TAOK1: variants seen among roughly 807,000 people sequenced by gnomAD.
The protein encoded by TAOK1 is TAO kinase 1.
In TAOK1, 21 loss-of-function variants were observed where a neutral mutation model predicts 138.3. The ratio of observed to expected loss-of-function variants is 0.15; its 90% CI spans 0.11 to 0.22. The LOEUF (loss-of-function observed/expected upper bound fraction) is 0.22, where lower values mean the gene tolerates loss of function less well. Among genes scored for constraint, TAOK1 ranks in the 10% least tolerant of loss-of-function variants. The pLI is 1.00. For synonymous variants in TAOK1, 361 were observed against 398.4 expected, an observed-to-expected ratio of 0.91 and a Z score of 1.12; for missense variants, 651 against 1,227.7, an observed-to-expected ratio of 0.53 and a Z score of 7.02.
intron 16 of TAOK1, among the ~76,000 whole-genome samples, chr17:29,518,086 C>A (rs2031849673): frequency 6.6e-6 from 1 of 152,174 alleles, no homozygotes; most frequent in African/African-American, 2.4e-5. Context: ...GAACTCCTGG[C>A]CTCATGCGGT....
intron 1 of TAOK1, among the ~76,000 whole-genome samples, chr17:29,435,714 A>T (rs909431082): frequency 2.0e-5 from 3 of 152,234 alleles, no homozygotes; most frequent in Non-Finnish European, 4.4e-5. Flanking sequence ...TGACTCCTTA[A>T]AGGGGAGCAT....
At chr17:29,401,788 G>A (rs1904853324) in intron 1 of TAOK1, among the ~76,000 whole-genome samples, 1 of 151,902 alleles carries the variant, frequency 6.6e-6, no homozygotes, top group African/African-American at 2.4e-5. Context: ...CTGAGTAGCT[G>A]TGCCACCACG....
intron 19 of TAOK1, among the ~76,000 whole-genome samples, chr17:29,540,551 GTTGT>G (rs569232315): frequency 2.7e-4 from 41 of 150,094 alleles, no homozygotes; most frequent in African/African-American, 5.9e-4. Flanking sequence ...TTGTTTTTGG[GTTGT>G]TTGTTTTTTG....
At chr17:29,523,096 G>A (rs557294412) in intron 17 of TAOK1, among the ~76,000 whole-genome samples, 5 of 143,030 alleles carry the variant, frequency 3.5e-5, no homozygotes, top group African/African-American at 5.2e-5. Context: ...AAAAAAAAAT[G>A]TACTCAAATG....
chr17:29,437,802 C>T (rs983558227), intron 1 of TAOK1, among the ~76,000 whole-genome samples: 7 of 112,062 alleles, frequency 6.2e-5, no homozygotes, highest in African/African-American at 1.7e-4. Context: ...GGTATGATCT[C>T]GGCTCACTGC....
At chr17:29,539,805 G>A (rs1308289633) in intron 19 of TAOK1, among the ~76,000 whole-genome samples, 1 of 152,116 alleles carries the variant, frequency 6.6e-6, no homozygotes, top group African/African-American at 2.4e-5. Context: ...GCCTGAGCCT[G>A]GGAGGTGGAG....
intron 2 of TAOK1, among the ~76,000 whole-genome samples, chr17:29,459,103 CT>C (rs2153024949): frequency 6.6e-6 from 1 of 152,158 alleles, no homozygotes; most frequent in African/African-American, 2.4e-5. Flanking sequence ...TGAGCTTCTG[CT>C]TTTCAGCTTC....
At chr17:29,525,357 C>T (rs1328957044) in intron 17 of TAOK1, among the ~76,000 whole-genome samples, 5 of 152,210 alleles carry the variant, frequency 3.3e-5, no homozygotes, top group South Asian at 4.1e-4. Context: ...GTGATCCGCC[C>T]GCCTCGGCCT....
intron 10 of TAOK1, among the ~76,000 whole-genome samples, chr17:29,494,376 G>A (rs1255234511): frequency 6.6e-6 from 1 of 152,024 alleles, no homozygotes; most frequent in Admixed American, 6.6e-5. Context: ...GGACATGGTG[G>A]TGCACACCTG....
At chr17:29,395,018 G>T (rs1362585616) in intron 1 of TAOK1, among the ~76,000 whole-genome samples, 3 of 152,124 alleles carry the variant, frequency 2.0e-5, no homozygotes, top group South Asian at 2.1e-4. Flanking sequence ...GAGGCTGGAG[G>T]ATCACTTGAG....
chr17:29,461,399 AATG>A (rs2030528911), intron 2 of TAOK1, among the ~76,000 whole-genome samples: 1 of 152,186 alleles, frequency 6.6e-6, no homozygotes, highest in Non-Finnish European at 1.5e-5. Context: ...ATTATAAAAT[AATG>A]ATAACAAAAG....
chr17:29,469,020 T>C (rs141269516), intron 3 of TAOK1, among the ~76,000 whole-genome samples: 2 of 152,316 alleles, frequency 1.3e-5, no homozygotes, highest in East Asian at 3.9e-4. Context: ...ATATTCTAAT[T>C]AGTTCTCTTC....
intron 1 of TAOK1, among the ~76,000 whole-genome samples, chr17:29,397,723 G>GA (rs1567706827): frequency 5.2e-5 from 4 of 77,636 alleles, no homozygotes; most frequent in South Asian, 3.3e-4. Context: ...ATACATGTAT[G>GA]TATATACATA....
intron 6 of TAOK1, among the ~76,000 whole-genome samples, chr17:29,478,967 A>G (rs926981588): frequency 6.6e-6 from 1 of 152,120 alleles, no homozygotes; most frequent in Admixed American, 6.5e-5. Context: ...TCCACTGAAA[A>G]TATGAAAATT....
intron 18 of TAOK1, among the ~76,000 whole-genome samples, chr17:29,533,330 G>A (rs1451540049): frequency 6.7e-6 from 1 of 148,804 alleles, no homozygotes. Flanking sequence ...GATGGCGGCC[G>A]GGCAGAGATG....
intron 18 of TAOK1, among the ~76,000 whole-genome samples, chr17:29,533,394 C>T (rs1416652695): frequency 8.0e-5 from 11 of 137,390 alleles, no homozygotes; most frequent in Non-Finnish European, 1.7e-4. Context: ...ACATCCCAGA[C>T]GATGGGCAGC....
chr17:29,525,993 C>T (rs1219877712), intron 17 of TAOK1, among the ~76,000 whole-genome samples: 1 of 152,070 alleles, frequency 6.6e-6, no homozygotes, highest in Non-Finnish European at 1.5e-5. Flanking sequence ...GAGACTCCGT[C>T]TCAAAAATTA....
chr17:29,476,241 A>G (rs557006782), intron 4 of TAOK1, among the ~76,000 whole-genome samples: 2 of 152,298 alleles, frequency 1.3e-5, no homozygotes, highest in East Asian at 1.9e-4. Context: ...AAGAAGTAGA[A>G]ATTTATTTTG....
chr17:29,486,655 A>G (rs985506235), intron 8 of TAOK1, among the ~76,000 whole-genome samples: 2 of 152,130 alleles, frequency 1.3e-5, no homozygotes, highest in Non-Finnish European at 2.9e-5. Context: ...AAGTTATTTG[A>G]ATTTATGAGA....
Sources: gnomAD v4.1 joint callset for allele counts (sites outside exome capture counted in the v4.1 genomes callset) on GRCh38, gnomAD v4.1.1 for gene constraint, MANE v1.5 for transcripts, NCBI Gene and HGNC (gene_info 2026-07-23, HGNC 2026-07-21) for gene names.